The following CPT1A variants were observed in gnomAD, a reference collection of about 807,000 sequenced individuals.
CPT1A encodes carnitine O-palmitoyltransferase 1, liver isoform.
In CPT1A, 64 loss-of-function variants were observed where a neutral mutation model predicts 100.8. The ratio of observed to expected loss-of-function variants is 0.63; its 90% CI spans 0.52 to 0.78. The LOEUF is 0.78. CPT1A is among the 30% of genes least tolerant of loss of function. The pLI, the probability that CPT1A is intolerant of heterozygous loss-of-function variation, is 0.00. For missense variants in CPT1A, 802 were observed against 1,034.1 expected, an observed-to-expected ratio of 0.78 and a Z score of 3.08; for synonymous variants, 363 against 396.0, an observed-to-expected ratio of 0.92 and a Z score of 0.99.
chr11:68,755,825 G>T lies in CPT1A; in HGVS notation c.*1819C>A, dbSNP rs1361307387. 4 of 146,908 alleles carry T rather than the reference G, an allele frequency of 2.7e-5. No homozygotes were observed. Among genetic ancestry groups the T allele is most frequent in the African/African-American group, 1.0e-4 (4 of 39,934 alleles). 9.1% of individuals were successfully genotyped at this position (146,908 alleles called of 1,614,324 possible). A position where few individuals can be genotyped will look rare whatever the true frequency, so the allele number is the denominator to read the frequency against. ...CATGAAGTATACATACATAAAACAT[G>T]CATGTGGGCCGCGCATGGTGGCTCA... On this transcript the variant is annotated 3_prime_UTR_variant, in exon 19 of 19. Transcript: ENST00000265641.
intron 1 of CPT1A, among the ~76,000 whole-genome samples, chr11:68,822,885 C>G (rs544585957): frequency 1.1e-4 from 17 of 152,104 alleles, no homozygotes; most frequent in Non-Finnish European, 2.5e-4. Context: ...ACAAGCAAAT[C>G]TACAGAGACA....
At chr11:68,786,517 T>C (rs1328984653) in intron 9 of CPT1A, among the ~76,000 whole-genome samples, 1 of 152,204 alleles carries the variant, frequency 6.6e-6, no homozygotes, top group Non-Finnish European at 1.5e-5. Context: ...ACAGAATTAA[T>C]CAATATTATG....
At chr11:68,822,923 T>C (rs538912850) in intron 1 of CPT1A, among the ~76,000 whole-genome samples, 2 of 152,238 alleles carry the variant, frequency 1.3e-5, no homozygotes, top group South Asian at 4.2e-4. Flanking sequence ...TGCCGGGGGC[T>C]TGGAGCAGAT....
In CPT1A at chr11:68,755,349, C is replaced by CAGAG. The variant is rs538352947; in HGVS notation, c.*2291_*2294dup. The CAGAG allele has an allele frequency of 2.2e-3, 352 of 156,534 alleles. No homozygotes were observed. Among genetic ancestry groups the CAGAG allele is most frequent in the African/African-American group, 8.0e-3 (334 of 41,650 alleles). The allele number at this position is 156,534 out of a possible 1,614,324, so 9.7% of individuals were successfully genotyped here. Reference sequence around the variant, plus strand: ...CGGGAAGTGCTATTCTTGCCCAGGGCAGAGAGAGCTACATCCCCGCTGCCT... The same window carrying CAGAG: ...CGGGAAGTGCTATTCTTGCCCAGGGCAGAGAGAGAGAGCTACATCCCCGCTGCCT... On this transcript the variant is annotated 3_prime_UTR_variant, in exon 19 of 19. Coordinates refer to ENST00000265641, the MANE Select transcript of CPT1A (RefSeq NM_001876.4).
chr11:68,827,195 C>T (rs1049954053), intron 1 of CPT1A, among the ~76,000 whole-genome samples: 3 of 151,712 alleles, frequency 2.0e-5, no homozygotes, highest in Admixed American at 6.6e-5. Context: ...AAACCAGGCG[C>T]GGTGGTGAGC....
rs530603883 is a variant in CPT1A, at chr11:68,793,215, G to A, written c.967+100C>T. The A allele has an allele frequency of 8.8e-6, 7 of 792,974 alleles. No individual in the cohort carries two copies. In the East Asian group the frequency reaches 1.1e-4, roughly 12 times the overall value. 49.1% of individuals were successfully genotyped at this position (792,974 alleles called of 1,614,324 possible). ...TCACCAGCCTACAATCTCAGGAAGG[G>A]TCAGCAAAAATCAATTTGGCCCCTT... On this transcript the variant is annotated intron_variant, in intron 9 of 18. Coordinates refer to ENST00000265641, the MANE Select transcript of CPT1A (RefSeq NM_001876.4).
intron 6 of CPT1A, among the ~76,000 whole-genome samples, chr11:68,797,841 G>A (rs1855793673): frequency 6.6e-6 from 1 of 152,146 alleles, no homozygotes; most frequent in African/African-American, 2.4e-5. Flanking sequence ...AGCCGGGTGT[G>A]GTGGCGGGTG....
At chr11:68,809,827 CA>C (rs1856149306) in intron 3 of CPT1A, among the ~76,000 whole-genome samples, 1 of 152,222 alleles carries the variant, frequency 6.6e-6, no homozygotes, top group Non-Finnish European at 1.5e-5. Flanking sequence ...GGGCTTTAAA[CA>C]GTCAACACTT....
chr11:68,816,849 G>A (rs577450546), intron 1 of CPT1A, among the ~76,000 whole-genome samples: 398 of 146,366 alleles, frequency 2.7e-3, no homozygotes, highest in Middle Eastern at 0.011. Flanking sequence ...TGGTGTGTGC[G>A]TGTGTGGTGT....
chr11:68,796,240 AAGTTCC>A (rs1455669933), intron 7 of CPT1A, among the ~76,000 whole-genome samples: 2 of 152,116 alleles, frequency 1.3e-5, no homozygotes, highest in African/African-American at 4.8e-5. Context: ...CTGTGGCACC[AAGTTCC>A]AGTGCTAAGC....
At chr11:68,838,725 C>T (rs1022330142) in intron 1 of CPT1A, among the ~76,000 whole-genome samples, 2 of 152,122 alleles carry the variant, frequency 1.3e-5, no homozygotes, top group African/African-American at 4.8e-5. Flanking sequence ...AGATGCACTC[C>T]ACCAGGCCCT....
chr11:68,787,942 CAAA>C (rs58079850), intron 9 of CPT1A, among the ~76,000 whole-genome samples: 3 of 45,666 alleles, frequency 6.6e-5, no homozygotes, highest in African/African-American at 7.9e-5. Flanking sequence ...GACTCAGTCT[CAAA>C]AAAAAAAAAA....
chr11:68,762,523 A>C, intron 15 of CPT1A, 104 bp downstream of exon 15: 1 of 1,425,166 alleles, frequency 7.0e-7, no homozygotes. Context: ...CTAAAGAAGA[A>C]GGTACAGGAA....
intron 14 of CPT1A, among the ~76,000 whole-genome samples, chr11:68,768,528 C>T (rs145120289): frequency 4.6e-5 from 7 of 152,252 alleles, no homozygotes; most frequent in African/African-American, 1.7e-4. Context: ...CCCGCCTCAG[C>T]CTCTCAAGTA....
intron 1 of CPT1A, among the ~76,000 whole-genome samples, chr11:68,835,506 C>T (rs574923403): frequency 6.6e-6 from 1 of 152,320 alleles, no homozygotes; most frequent in East Asian, 1.9e-4. Context: ...TCCCTAAATG[C>T]CGCCTGCAGC....
In CPT1A at chr11:68,762,655, A is replaced by G. The variant is rs151322841; in HGVS notation, c.1847T>C (p.Val616Ala). 5 of 1,613,786 alleles carry G rather than the reference A, an allele frequency of 3.1e-6. No individual in the cohort carries two copies. The African/African-American group carries it at 5.3e-5, about 17-fold the overall frequency. Residue 616 changes from valine to alanine, a missense_variant, in exon 15 of 19, where the codon GTG (valine) becomes GCG (alanine). This residue lies in a region of CPT1A where 627 missense variants were observed against 799.3 expected (regional missense o/e 0.78). Coordinates refer to ENST00000265641, the MANE Select transcript of CPT1A (RefSeq NM_001876.4). ...RSCTTESCDF[V>A]RAMVDPAQTV... ...CTGGGCCGGGTCCACCATGGCCCGC[A>G]CGAAGTCGCATGACTCAGTGGTGCA...
intron 3 of CPT1A, among the ~76,000 whole-genome samples, chr11:68,808,860 C>A (rs948874002): frequency 1.2e-4 from 18 of 151,116 alleles, no homozygotes; most frequent in African/African-American, 4.4e-4. Flanking sequence ...AATCCCAGCA[C>A]TTTGGGAGGC....
At chr11:68,759,426 T>A in intron 18 of CPT1A, 143 bp downstream of exon 18, 1 of 669,626 alleles carries the variant, frequency 1.5e-6, no homozygotes, top group South Asian at 1.7e-5. Context: ...TTAAAAGCAG[T>A]CCATTTATGT....
chr11:68,766,145 A>G (rs1854790869), intron 14 of CPT1A, among the ~76,000 whole-genome samples: 1 of 152,084 alleles, frequency 6.6e-6, no homozygotes, highest in Non-Finnish European at 1.5e-5. Context: ...TGCTGGGGTT[A>G]TGCTTTATAA....
Sources: gnomAD v4.1 joint callset for allele counts (sites outside exome capture counted in the v4.1 genomes callset) on GRCh38, gnomAD v4.1.1 for gene constraint, gnomAD v4.1.1 regional missense constraint, MANE v1.5 for transcripts, NCBI Gene and HGNC (gene_info 2026-07-23, HGNC 2026-07-21) for gene names.